FRMPD4: variants seen among roughly 807,000 people sequenced by gnomAD.
FRMPD4 encodes FERM and PDZ domain containing 4.
FRMPD4 carries 22 observed loss-of-function variants against 94.1 expected under a neutral mutation model. That is an observed-to-expected ratio of 0.23 (90% CI 0.17 to 0.33). FRMPD4 has a LOEUF of 0.33. Ranked by LOEUF, FRMPD4 falls within the 10% of genes least tolerant of loss-of-function variation. The pLI is 1.00. For synonymous variants in FRMPD4, 631 were observed against 548.6 expected (o/e 1.15, Z -2.10); for missense variants, 1,111 against 1,339.9 (o/e 0.83, Z 2.67).
chrX:12,320,117 G>GT (rs999321098), intron 1 of FRMPD4, among the ~76,000 whole-genome samples: 4 of 111,877 alleles, frequency 3.6e-5, no homozygotes, highest in Non-Finnish European at 5.6e-5. Context: ...AACCACTGGT[G>GT]TTTTTTTAGC....
chrX:12,393,912 G>A (rs1034410449), intron 1 of FRMPD4, among the ~76,000 whole-genome samples: 6 of 111,607 alleles, frequency 5.4e-5, no homozygotes, highest in Non-Finnish European at 1.1e-4. Context: ...ATAGAAACCT[G>A]TAGGCATTCT....
At chrX:12,081,246 T>A (rs1328907924) in intron 3 of FRMPD4, among the ~76,000 whole-genome samples, 2 of 111,961 alleles carry the variant, frequency 1.8e-5, no homozygotes, top group African/African-American at 6.5e-5. Context: ...TGGGTTGAGG[T>A]TAATGCTGAC....
chrX:12,497,636 T>C (rs559297152), intron 1 of FRMPD4, among the ~76,000 whole-genome samples: 2 of 111,477 alleles, frequency 1.8e-5, no homozygotes, highest in South Asian at 3.8e-4. Context: ...GAACACTTTT[T>C]TTCCAACAGA....
At chrX:12,671,420 T>C (rs1045620918) in intron 4 of FRMPD4, among the ~76,000 whole-genome samples, 6 of 111,124 alleles carry the variant, frequency 5.4e-5, no homozygotes, top group Admixed American at 9.6e-5. Flanking sequence ...AAAGGATGAG[T>C]TCATGTCCTT....
At chrX:11,974,784 A>G (rs965987948) in intron 3 of FRMPD4, among the ~76,000 whole-genome samples, 2 of 111,605 alleles carry the variant, frequency 1.8e-5, no homozygotes, top group Admixed American at 1.9e-4. Flanking sequence ...TGGCTGGAGT[A>G]GAAAGAGAGG....
chrX:12,072,406 C>T (rs1025515898), intron 3 of FRMPD4, among the ~76,000 whole-genome samples: 8 of 111,666 alleles, frequency 7.2e-5, no homozygotes, highest in Non-Finnish European at 1.3e-4. Context: ...GCATTTGTAT[C>T]GGGTTACAGC....
chrX:12,594,730 C>T (rs962793052), intron 2 of FRMPD4, among the ~76,000 whole-genome samples: 15 of 111,787 alleles, frequency 1.3e-4, no homozygotes, highest in African/African-American at 4.6e-4. Context: ...CCACCGTACC[C>T]GGCCAGTTAA....
chrX:12,164,990 T>G (rs1361360857), intron 1 of FRMPD4, among the ~76,000 whole-genome samples: 5 of 111,894 alleles, frequency 4.5e-5, no homozygotes, highest in Admixed American at 9.4e-5. Flanking sequence ...TTTCTCCCAT[T>G]CTGTAGGTTG....
intron 1 of FRMPD4, among the ~76,000 whole-genome samples, chrX:12,469,473 A>G (rs1415256972): frequency 9.0e-6 from 1 of 111,405 alleles, no homozygotes; most frequent in Non-Finnish European, 1.9e-5. Flanking sequence ...CTGGTCTCAA[A>G]TTCCTGAGCT....
chrX:12,690,732 A>G (rs986458438), intron 8 of FRMPD4, among the ~76,000 whole-genome samples: 12 of 111,711 alleles, frequency 1.1e-4, no homozygotes, highest in Non-Finnish European at 1.9e-4. Flanking sequence ...CTGGGTGCAT[A>G]CTTAAGACTA....
intron 1 of FRMPD4, among the ~76,000 whole-genome samples, chrX:12,240,527 CTTATT>C (rs112959551): frequency 0.026 from 2,930 of 112,256 alleles, 96 homozygotes; most frequent in African/African-American, 0.086. Flanking sequence ...ATGACTTCGT[CTTATT>C]TTAAGTTCAG....
rs760291375 is a variant in FRMPD4, at chrX:12,585,318, TC to T, written c.159-24402del. The stretch of plus-strand genomic sequence containing the variant: ...TCACTGCAACCTCTGCCTCCCAGGT[TC>T]AAGCAATTCTCCTGCCTCAGCCTCC... On this transcript the variant is annotated intron_variant, in intron 2 of 16. Transcript: ENST00000675598. Among the ~76,000 whole-genome samples, 130 of 108,930 alleles carry T rather than the reference TC, an allele frequency of 1.2e-3. 1 individual carries two copies. Among genetic ancestry groups the T allele is most frequent in the African/African-American group, 4.3e-3 (126 of 29,634 alleles). 94.6% of individuals were successfully genotyped at this position (108,930 alleles called of 115,157 possible). A position where few individuals can be genotyped will look rare whatever the true frequency, so the allele number is the denominator to read the frequency against.
intron 2 of FRMPD4, among the ~76,000 whole-genome samples, chrX:12,526,045 C>T (rs2058220056): frequency 8.9e-6 from 1 of 112,290 alleles, no homozygotes; most frequent in Admixed American, 9.4e-5. Context: ...CTTTTTATTT[C>T]CTGAAATATT....
At chrX:12,204,207 G>A (rs1254729180) in intron 1 of FRMPD4, among the ~76,000 whole-genome samples, 1 of 112,439 alleles carries the variant, frequency 8.9e-6, no homozygotes, top group Non-Finnish European at 1.9e-5. Context: ...GTTGAGGTCA[G>A]AGATGCTACG....
chrX:12,614,714 G>A, intron 3 of FRMPD4, 65 bp from the exon 4 acceptor site: 1 of 581,627 alleles, frequency 1.7e-6, no homozygotes, highest in South Asian at 2.7e-5. Context: ...TCATGATCAG[G>A]AGAGGAGGCT....
At chrX:12,603,725 C>T (rs2148409533) in intron 2 of FRMPD4, among the ~76,000 whole-genome samples, 1 of 110,294 alleles carries the variant, frequency 9.1e-6, no homozygotes, top group African/African-American at 3.3e-5. Context: ...GTCTCAGCAT[C>T]AGAATTCACT....
chrX:12,200,912 T>C (rs2056624046), intron 1 of FRMPD4, among the ~76,000 whole-genome samples: 1 of 112,519 alleles, frequency 8.9e-6, no homozygotes, highest in African/African-American at 3.2e-5. Flanking sequence ...AAACAGCTTC[T>C]TCCACAGTGG....
intron 3 of FRMPD4, among the ~76,000 whole-genome samples, chrX:12,019,791 CT>C (rs1365250902): frequency 9.0e-6 from 1 of 111,598 alleles, no homozygotes; most frequent in Non-Finnish European, 1.9e-5. Context: ...CTGCAGGAAG[CT>C]GCCTTTGGCC....
chrX:11,857,386 T>C (rs745455455), intron 1 of FRMPD4, among the ~76,000 whole-genome samples: 4 of 111,412 alleles, frequency 3.6e-5, no homozygotes, highest in Non-Finnish European at 7.6e-5. Context: ...TGGAACATAA[T>C]AGAGAACCTA....
Sources: gnomAD v4.1 joint callset for allele counts (sites outside exome capture counted in the v4.1 genomes callset) on GRCh38, gnomAD v4.1.1 for gene constraint, MANE v1.5 for transcripts, NCBI Gene and HGNC (gene_info 2026-07-23, HGNC 2026-07-21) for gene names.